THBS3: variants seen among roughly 807,000 people sequenced by gnomAD.
The protein encoded by THBS3 is thrombospondin 3.
Under a neutral mutation model 118.3 loss-of-function variants are expected in THBS3, and 78 were observed. The ratio of observed to expected loss-of-function variants is 0.66; its 90% confidence interval spans 0.55 to 0.80. The LOEUF (loss-of-function observed/expected upper bound fraction) is 0.80. Ranked by LOEUF, THBS3 falls within the 30% of genes least tolerant of loss-of-function variation. THBS3 has a pLI of 0.00. For missense variants in THBS3, 1,057 were observed against 1,247.4 expected, an observed-to-expected ratio of 0.85 and a Z score of 2.30; for synonymous variants, 427 against 475.3, an observed-to-expected ratio of 0.90 and a Z score of 1.32.
At chr1:155,199,959 C>T in intron 15 of THBS3, 36 bp downstream of exon 15, 1 of 1,606,354 alleles carries the variant, frequency 6.2e-7, no homozygotes. Context: ...CCATCAGTAC[C>T]CTCATCCCTC....
rs756486763 is a variant in THBS3 at position 155,206,302 on chromosome 1, A to C, written c.184T>G (p.Phe62Val). 39 of 1,614,056 alleles carry C rather than the reference A, an allele frequency of 2.4e-5. No individual in the cohort carries two copies. Among genetic ancestry groups the C allele is most frequent in the Non-Finnish European group, 3.1e-5 (36 of 1,180,032 alleles). ...CCACCCTGCTTGGGGGGCAGGCGGAAGGTGGATAAGAGGTAGATGTCCCCA... is the reference window on the plus strand; with the variant it reads ...CCACCCTGCTTGGGGGGCAGGCGGACGGTGGATAAGAGGTAGATGTCCCCA... The part of the protein sequence containing the change: ...TAGDIYLLST[F>V]RLPPKQGGVL... Residue 62 changes from phenylalanine (F) to valine (V), a missense_variant, in exon 2 of 23, where the codon TTC (phenylalanine) becomes GTC (valine). By Grantham distance (50) the Phe-to-Val change is conservative (BLOSUM62 -1). Coordinates refer to ENST00000368378, the MANE Select transcript of THBS3 (RefSeq NM_007112.5). This position sits in a 1 kb window ranked among gnomAD's most constrained non-coding sequence, Gnocchi z 4.2.
Position 155,195,686 on chromosome 1 carries a change from G to T in THBS3, c.*155C>A. 1.3e-6 allele frequency: 1 copy of T among 745,856 alleles called. No individual in the cohort carries two copies. Among genetic ancestry groups the T allele is most frequent in the Non-Finnish European group, 2.2e-6 (1 of 447,722 alleles). 46.2% of individuals were successfully genotyped at this position (745,856 alleles called of 1,614,324 possible). The stretch of plus-strand genomic sequence containing the variant: ...GAAAACTTCTCATCCCCTGAAGGGT[G>T]GGGTGACCACCCCTCTGGGACTGAA... On this transcript the variant is annotated 3_prime_UTR_variant, in exon 23 of 23. Transcript: ENST00000368378.
At chr1:155,201,056 C>G (rs370524594) in intron 12 of THBS3, 38 bp downstream of exon 12, 1 of 1,614,196 alleles carries the variant, frequency 6.2e-7, no homozygotes, top group Non-Finnish European at 8.5e-7. Flanking sequence ...CCAGCTTGGG[C>G]TCCCCACTAC....
rs758418648 is a variant in THBS3 at position 155,202,382 on chromosome 1, CAG to C, written c.975_976del (p.Cys326PhefsTer16). ...GTTGATGCAGCTGGAGCCCGGGAAA[CAG>C]GGGTCAGCGTGAGCACACTGGGGAC... is the stretch of plus-strand genomic sequence containing the variant. On this transcript the variant is annotated frameshift_variant, in exon 9 of 23. Coordinates refer to ENST00000368378, the MANE Select transcript of THBS3 (RefSeq NM_007112.5). LOFTEE classifies it high-confidence loss of function. This position sits in a 1 kb window ranked among gnomAD's most constrained non-coding sequence, Gnocchi z 5.5. 188 of 1,613,820 alleles carry C rather than the reference CAG, an allele frequency of 1.2e-4. No homozygotes were observed. Among genetic ancestry groups the C allele is most frequent in the Non-Finnish European group, 1.4e-4 (166 of 1,179,974 alleles).
Position 155,206,502 on chromosome 1 carries a change from G to C in THBS3, c.80-96C>G. 1.8e-6 allele frequency: 2 copies of C among 1,096,416 alleles called. No homozygotes were observed. Among genetic ancestry groups the C allele is most frequent in the Non-Finnish European group, 2.7e-6 (2 of 752,100 alleles). 67.9% of individuals were successfully genotyped at this position (1,096,416 alleles called of 1,614,324 possible). A position where few individuals can be genotyped will look rare whatever the true frequency, so the allele number is the denominator to read the frequency against. The stretch of plus-strand genomic sequence containing the variant: ...CATCACCCCCTACCCCCACCACCAG[G>C]CAGCGTTAGTCACCTCAAAATTCAA... On this transcript the variant is annotated intron_variant, in intron 1 of 22. Transcript: ENST00000368378. The surrounding 1 kb of genome is among the most constrained non-coding windows in gnomAD (Gnocchi z 4.2).
rs767670158 is a variant in THBS3, at chr1:155,206,384, G to A, written c.102C>T (p.Gly34=). The change falls in exon 2 of 23, where the codon GGC becomes GGT. Residue 34 remains glycine (G), a synonymous_variant. Coordinates refer to ENST00000368378, the MANE Select transcript of THBS3 (RefSeq NM_007112.5). The surrounding 1 kb of genome is among the most constrained non-coding windows in gnomAD (Gnocchi z 4.2). ...CCACAGCTACCATCTGCCGAGACTC[G>A]CCCACAGTCAGCAGGTCAATTACTG... ...DLQVIDLLTV[G]ESRQMVAVAE... 2.9e-5 allele frequency: 46 copies of A among 1,613,936 alleles called. No individual in the cohort carries two copies. The highest frequency in any genetic ancestry group is 4.0e-5 in the African/African-American group (3 of 74,888).
In THBS3 at chr1:155,197,041, C is replaced by G. The variant is rs775866099; in HGVS notation, c.2672G>C (p.Arg891Pro). 1 of 1,613,100 alleles carries G rather than the reference C, an allele frequency of 6.2e-7. No homozygotes were observed. The highest frequency in any genetic ancestry group is 8.5e-7 in the Non-Finnish European group (1 of 1,179,332). Reference sequence around the variant, plus strand: ...AGGTGGGCTCAGCCCCTCTCCTTACCGAATGTAGCCAACTTGAGGCCGGTG... The same window carrying G: ...AGGTGGGCTCAGCCCCTCTCCTTACGGAATGTAGCCAACTTGAGGCCGGTG... ...LLHRPQVGYI[R>P]VKLYEGPQLV... Residue 891 changes from arginine (R) to proline (P), a missense_variant and splice_region_variant, in exon 21 of 23, where the codon CGG (arginine) becomes CCG (proline). Transcript: ENST00000368378. The surrounding 1 kb of genome is among the most constrained non-coding windows in gnomAD (Gnocchi z 5.0).
chr1:155,205,105 A>G lies in THBS3; in HGVS notation c.498T>C (p.Asp166=), dbSNP rs201862207. 260 of 1,614,082 alleles carry G rather than the reference A, an allele frequency of 1.6e-4. 1 individual carries two copies. The Middle Eastern group carries it at 5.1e-3, about 32-fold the overall frequency. The part of the protein sequence containing the change: ...ALAPIPPAEV[D]GLEIRTGQKA... ...TCTGTCCAGTCCTAATCTCCAGCCC[A>G]TCGACCTCCGCTGGAGGAATGGGGG... is the stretch of plus-strand genomic sequence containing the variant. Residue 166 remains aspartate (D), a synonymous_variant, in exon 3 of 23, where the codon GAT becomes GAC. Coordinates refer to ENST00000368378, the MANE Select transcript of THBS3 (RefSeq NM_007112.5).
rs1557850811 is a variant in THBS3, at chr1:155,196,094, G to A, written c.2705C>T (p.Ala902Val). The change falls in exon 22 of 23, where the codon GCG (alanine) becomes GTG (valine). Residue 902 changes from alanine (A) to valine (V), a missense_variant. Physicochemically the swap from Ala to Val is moderately conservative, Grantham distance 64. Coordinates refer to ENST00000368378, the MANE Select transcript of THBS3 (RefSeq NM_007112.5). ...VKLYEGPQLV[A>V]DSGVIIDTSM... ...TGTGTCAATGATCACCCCAGAATCC[G>A]CCACAAGCTGGGGTCCCTCATAGAG... 3 of 1,614,156 alleles carry A rather than the reference G, an allele frequency of 1.9e-6. No individual in the cohort carries two copies. The highest frequency in any genetic ancestry group is 4.5e-5 in the East Asian group (2 of 44,888).
At position 155,202,843 on chromosome 1, in the gene THBS3, C is replaced by G. The variant is rs777899169; in HGVS notation, c.926G>C (p.Gly309Ala). 1 of 1,613,318 alleles carries G rather than the reference C, an allele frequency of 6.2e-7. No individual in the cohort carries two copies. Among genetic ancestry groups the G allele is most frequent in the South Asian group, 1.1e-5 (1 of 91,052 alleles). The change falls in exon 8 of 23, where the codon GGC becomes GCC. Residue 309 changes from glycine (G) to alanine (A), a missense_variant. This residue lies in a region of THBS3 where 544 missense variants were observed against 715.6 expected (regional missense o/e 0.76). Coordinates refer to ENST00000368378, the MANE Select transcript of THBS3 (RefSeq NM_007112.5). The surrounding 1 kb of genome is among the most constrained non-coding windows in gnomAD (Gnocchi z 5.5). Reference sequence around the variant, plus strand: ...GATGTCACTGCAGTGGGTGCCGTTGCCCTGCAGGCCAGGGGGGCAGGGCCC... The same window carrying G: ...GATGTCACTGCAGTGGGTGCCGTTGGCCTGCAGGCCAGGGGGGCAGGGCCC... ...RCGPCPPGLQ[G>A]NGTHCSDINE...
Position 155,197,217 on chromosome 1 carries a change from G to T in THBS3, c.2500-4C>A. On this transcript the variant is annotated splice_polypyrimidine_tract_variant and splice_region_variant and intron_variant, in intron 20 of 22. Coordinates refer to ENST00000368378, the MANE Select transcript of THBS3 (RefSeq NM_007112.5). This position sits in a 1 kb window ranked among gnomAD's most constrained non-coding sequence, Gnocchi z 5.0. ...GGCCAGACACTGATGTCACTGCCTA[G>T]GAGACATTGGCAAAGACAGTGGGTC... The T allele has an allele frequency of 1.2e-6, 2 of 1,612,248 alleles. No homozygotes were observed. The highest frequency in any genetic ancestry group is 1.7e-6 in the Non-Finnish European group (2 of 1,178,470).
At chr1:155,198,634 T>G (rs1287317570) in intron 16 of THBS3, 32 bp from the exon 17 acceptor site, 1 of 1,603,598 alleles carries the variant, frequency 6.2e-7, no homozygotes, top group East Asian at 2.2e-5. Flanking sequence ...AAATAAAGGA[T>G]TTAAAGGTAC....
intron 1 of THBS3, 76 bp downstream of exon 1, chr1:155,207,722 A>G (rs1670760922): frequency 5.4e-6 from 8 of 1,487,438 alleles, no homozygotes; most frequent in Non-Finnish European, 7.5e-6. Context: ...CCTTGCCCAC[A>G]TGTTCTCTGC....
chr1:155,208,581 A>T (rs1421801774), upstream of THBS3: 5 of 523,710 alleles, frequency 9.5e-6, no homozygotes, highest in Non-Finnish European at 1.7e-5. Context: ...GCCAAGGACC[A>T]GACTGTGGAA....
intron 2 of THBS3, 173 bp from the exon 3 acceptor site, chr1:155,205,489 CT>C: frequency 1.0e-6 from 1 of 959,938 alleles, no homozygotes; most frequent in Non-Finnish European, 1.5e-6. Flanking sequence ...TTTGAAATTG[CT>C]TTAGAGGCCA....
Position 155,198,599 on chromosome 1 carries a change from A to T in THBS3, c.1884T>A (p.Asp628Glu), listed in dbSNP as rs939277380. 3.7e-6 allele frequency: 6 copies of T among 1,613,666 alleles called. No individual in the cohort carries two copies. The highest frequency in any genetic ancestry group is 1.7e-5 in the Admixed American group (1 of 59,986). The change falls in exon 17 of 23, where the codon GAT becomes GAA. Residue 628 changes from aspartate to glutamate, a missense_variant. Around this residue, in one of 3 missense-constraint regions of THBS3, gnomAD observed 544 missense variants for 715.6 expected, o/e 0.76. Transcript: ENST00000368378. ...GDVCDTNEDS[D>E]GDGHQDTKDN... ...CCTTGGTGTCCTGATGCCCATCCCCATCGCTAATCAGAAGAACAGGTACCA... is the reference window on the plus strand; with the variant it reads ...CCTTGGTGTCCTGATGCCCATCCCCTTCGCTAATCAGAAGAACAGGTACCA...
Position 155,197,103 on chromosome 1 carries a change from G to A in THBS3, c.2610C>T (p.Gly870=). ...RLLWTDPRNV[G]WRDKTSYRWQ... Reference sequence around the variant, plus strand: ...AGCGATAGGAGGTCTTGTCCCGCCAGCCCACATTTCGTGGGTCTGTCCACA... The same window carrying A: ...AGCGATAGGAGGTCTTGTCCCGCCAACCCACATTTCGTGGGTCTGTCCACA... Residue 870 remains glycine (G), a synonymous_variant, in exon 21 of 23, where the codon GGC becomes GGT. Coordinates refer to ENST00000368378, the MANE Select transcript of THBS3 (RefSeq NM_007112.5). The surrounding 1 kb of genome is among the most constrained non-coding windows in gnomAD (Gnocchi z 5.0). 5 of 1,614,186 alleles carry A rather than the reference G, an allele frequency of 3.1e-6. No homozygotes were observed. The highest frequency in any genetic ancestry group is 4.2e-6 in the Non-Finnish European group (5 of 1,180,038).
chr1:155,206,426 C>T lies in THBS3; in HGVS notation c.80-20G>A. On this transcript the variant is annotated intron_variant, in intron 1 of 22. Coordinates refer to ENST00000368378, the MANE Select transcript of THBS3 (RefSeq NM_007112.5). This position sits in a 1 kb window ranked among gnomAD's most constrained non-coding sequence, Gnocchi z 4.2. The stretch of plus-strand genomic sequence containing the variant: ...CAATTACTGGTCAGGCAGGGGTTAT[C>T]AAGGTTAGAGAATGGGATCAAATGC... 1 of 1,611,922 alleles carries T rather than the reference C, an allele frequency of 6.2e-7. No individual in the cohort carries two copies. Among genetic ancestry groups the T allele is most frequent in the South Asian group, 1.1e-5 (1 of 90,996 alleles).
chr1:155,195,920 A>G, intron 22 of THBS3, 21 bp from the exon 23 acceptor site: 1 of 1,614,202 alleles, frequency 6.2e-7, no homozygotes, highest in Non-Finnish European at 8.5e-7. Context: ...GGAAATAAGT[A>G]AGGTCAGAGG....
Sources: allele counts gnomAD v4.1 joint callset, GRCh38; gene constraint gnomAD v4.1.1; regional missense constraint gnomAD v4.1.1; non-coding constraint Gnocchi (gnomAD v3.1); transcripts MANE v1.5; gene names NCBI Gene and HGNC (gene_info 2026-07-23, HGNC 2026-07-21).